STXBP6: variants seen among roughly 807,000 people sequenced by gnomAD.
The protein encoded by STXBP6 is syntaxin-binding protein 6.
In STXBP6, 21 loss-of-function variants were observed where a neutral mutation model predicts 26.9. The observed-to-expected ratio is 0.78, with a 90% CI of 0.55 to 1.12. STXBP6 has a LOEUF of 1.12. Ranked by LOEUF, STXBP6 falls within the 50% of genes most tolerant of loss-of-function variation. The pLI is 0.00. For synonymous variants in STXBP6, 97 were observed against 92.6 expected, an observed-to-expected ratio of 1.05 and a Z score of -0.27; for missense variants, 232 against 257.9, an observed-to-expected ratio of 0.90 and a Z score of 0.69.
chr14:24,956,206 G>C (rs1223904093), intron 2 of STXBP6, among the ~76,000 whole-genome samples: 1 of 152,066 alleles, frequency 6.6e-6, no homozygotes, highest in African/African-American at 2.4e-5. Context: ...CTGCATCTTT[G>C]AATAGACTGG....
intron 4 of STXBP6, 26 bp downstream of exon 4, chr14:24,855,910 C>T: frequency 6.3e-7 from 1 of 1,575,954 alleles, no homozygotes. Context: ...AACAGGATGA[C>T]TAAAGTCACA....
At chr14:24,968,548 G>C (rs983779679) in intron 2 of STXBP6, among the ~76,000 whole-genome samples, 1 of 152,140 alleles carries the variant, frequency 6.6e-6, no homozygotes, top group Non-Finnish European at 1.5e-5. Context: ...GTAACAACCT[G>C]TAAAGAATTT....
intron 1 of STXBP6, among the ~76,000 whole-genome samples, chr14:25,009,490 G>C (rs1245867953): frequency 6.6e-6 from 1 of 152,088 alleles, no homozygotes; most frequent in African/African-American, 2.4e-5. Context: ...CAAAGTGTTA[G>C]CTTGCACAGT....
intron 4 of STXBP6, among the ~76,000 whole-genome samples, chr14:24,848,339 G>A (rs999975491): frequency 2.6e-5 from 4 of 152,100 alleles, no homozygotes; most frequent in African/African-American, 9.7e-5. Flanking sequence ...GCTAATGAGT[G>A]ATGCTGTCAA....
intron 2 of STXBP6, among the ~76,000 whole-genome samples, chr14:24,937,044 CA>C (rs1427871404): frequency 1.3e-5 from 2 of 152,174 alleles, no homozygotes; most frequent in Non-Finnish European, 2.9e-5. Context: ...CAAGAACAGA[CA>C]ATCAAACACT....
intron 2 of STXBP6, among the ~76,000 whole-genome samples, chr14:24,938,012 A>C (rs2072665305): frequency 6.6e-6 from 1 of 152,244 alleles, no homozygotes; most frequent in African/African-American, 2.4e-5. Context: ...ATATACGAGC[A>C]ATCTGCCTGG....
chr14:24,812,886 C>CT (rs1165608322), intron 5 of STXBP6, among the ~76,000 whole-genome samples, 154 bp from the exon 6 acceptor site: 3 of 152,194 alleles, frequency 2.0e-5, no homozygotes, highest in Non-Finnish European at 1.5e-5. Flanking sequence ...ACAGTAGCAC[C>CT]TTTAAATGTG....
chr14:24,898,871 A>G (rs2071099395), intron 2 of STXBP6, among the ~76,000 whole-genome samples: 1 of 152,240 alleles, frequency 6.6e-6, no homozygotes, highest in Non-Finnish European at 1.5e-5. Context: ...GAAAAACCAG[A>G]AGAAAACAAA....
At chr14:25,024,479 G>A (rs760243228) in intron 1 of STXBP6, among the ~76,000 whole-genome samples, 3 of 152,116 alleles carry the variant, frequency 2.0e-5, no homozygotes, top group Middle Eastern at 3.2e-3. Context: ...GATCCTGTGG[G>A]ATCAGTTTCC....
chr14:24,919,106 T>C (rs2071882403), intron 2 of STXBP6, among the ~76,000 whole-genome samples: 1 of 152,032 alleles, frequency 6.6e-6, no homozygotes, highest in African/African-American at 2.4e-5. Flanking sequence ...GCCCTCAAGG[T>C]GAGATGTGTC....
intron 1 of STXBP6, among the ~76,000 whole-genome samples, chr14:25,013,926 T>C (rs899651463): frequency 3.3e-5 from 5 of 152,154 alleles, no homozygotes; most frequent in African/African-American, 7.2e-5. Flanking sequence ...CCATATTTGA[T>C]TGTTAGAGAA....
Position 24,812,506 on chromosome 14 carries a change from C to A in STXBP6, c.*203G>T. ...CAAAATGAAGCTGATGCTATTGTAG[C>A]ATTTATTAGCAAGATCATTAGGGAA... On this transcript the variant is annotated 3_prime_UTR_variant, in exon 6 of 6. Transcript: ENST00000323944. 3.4e-6 allele frequency: 2 copies of A among 589,454 alleles called. No homozygotes were observed. The highest frequency in any genetic ancestry group is 2.8e-5 in the East Asian group (1 of 35,276). The allele number at this position is 589,454 out of a possible 1,614,324, so 36.5% of individuals were successfully genotyped here. A position where few individuals can be genotyped will look rare whatever the true frequency, so the allele number is the denominator to read the frequency against.
At chr14:24,847,356 G>C (rs1033270566) in intron 4 of STXBP6, among the ~76,000 whole-genome samples, 1 of 152,036 alleles carries the variant, frequency 6.6e-6, no homozygotes, top group East Asian at 1.9e-4. Flanking sequence ...TTTTCATAAA[G>C]GTAAATGTTT....
chr14:24,845,949 C>T (rs1210063073), intron 4 of STXBP6, among the ~76,000 whole-genome samples: 1 of 152,152 alleles, frequency 6.6e-6, no homozygotes, highest in Non-Finnish European at 1.5e-5. Context: ...ACAAATTCTT[C>T]CCTGGGGCCT....
chr14:24,874,605 T>C (rs2070066608), intron 2 of STXBP6, among the ~76,000 whole-genome samples: 2 of 152,146 alleles, frequency 1.3e-5, no homozygotes, highest in Admixed American at 6.5e-5. Flanking sequence ...GCTAGGATGG[T>C]CCATGTATTG....
intron 2 of STXBP6, among the ~76,000 whole-genome samples, chr14:24,898,848 A>G (rs1312459140): frequency 1.3e-5 from 2 of 152,242 alleles, no homozygotes; most frequent in Non-Finnish European, 2.9e-5. Flanking sequence ...GTATATGCAT[A>G]TGCAGACTCC....
intron 4 of STXBP6, among the ~76,000 whole-genome samples, chr14:24,824,402 A>C (rs2068224836): frequency 6.6e-6 from 1 of 152,196 alleles, no homozygotes; most frequent in South Asian, 2.1e-4. Context: ...TTTATAGATG[A>C]ATAATAATTT....
At chr14:24,844,183 G>A (rs926018931) in intron 4 of STXBP6, among the ~76,000 whole-genome samples, 7 of 152,170 alleles carry the variant, frequency 4.6e-5, no homozygotes, top group South Asian at 2.1e-4. Flanking sequence ...GGAGGGTAGC[G>A]CACCTCAACT....
intron 2 of STXBP6, among the ~76,000 whole-genome samples, chr14:24,915,923 CGGCTTTTTTAACA>C (rs1168995382): frequency 6.6e-6 from 1 of 152,062 alleles, no homozygotes; most frequent in African/African-American, 2.4e-5. Flanking sequence ...ATTTCTGAAC[CGGCTTTTTTAACA>C]GGGTTCAACA....
Sources: allele counts gnomAD v4.1 joint callset (sites outside exome capture counted in the v4.1 genomes callset), GRCh38; gene constraint gnomAD v4.1.1; transcripts MANE v1.5; gene names NCBI Gene and HGNC (gene_info 2026-07-23, HGNC 2026-07-21).